RNGTT: variants seen among roughly 807,000 people sequenced by gnomAD.
RNGTT encodes mRNA-capping enzyme.
A neutral mutation model predicts 79.3 loss-of-function variants in RNGTT; 33 were observed. That is an observed-to-expected ratio of 0.42 (90% CI 0.32 to 0.56). The LOEUF (loss-of-function observed/expected upper bound fraction) is 0.56, where lower values mean the gene tolerates loss of function less well. RNGTT is among the 20% of genes least tolerant of loss of function. RNGTT has a pLI of 0.17. For missense variants in RNGTT, 497 were observed against 739.1 expected (o/e 0.67, Z 3.80); for synonymous variants, 222 against 235.9 (o/e 0.94, Z 0.54).
intron 13 of RNGTT, among the ~76,000 whole-genome samples, chr6:88,698,991 T>G (rs976115725): frequency 6.6e-6 from 1 of 152,182 alleles, no homozygotes; most frequent in Non-Finnish European, 1.5e-5. Context: ...ATGATGAGTA[T>G]AAACAATTAC....
chr6:88,816,583 T>C (rs773918467), intron 11 of RNGTT, among the ~76,000 whole-genome samples: 2 of 152,114 alleles, frequency 1.3e-5, no homozygotes, highest in African/African-American at 2.4e-5. Context: ...CTAAGCAAAG[T>C]ATATTTTAGG....
At chr6:88,803,261 T>C (rs1028456599) in intron 11 of RNGTT, among the ~76,000 whole-genome samples, 1 of 152,064 alleles carries the variant, frequency 6.6e-6, no homozygotes, top group Non-Finnish European at 1.5e-5. Context: ...GGGTAGTCTT[T>C]AATGAGTTTC....
chr6:88,907,633 A>C (rs1439190417), intron 4 of RNGTT, among the ~76,000 whole-genome samples: 1 of 152,184 alleles, frequency 6.6e-6, no homozygotes, highest in Non-Finnish European at 1.5e-5. Context: ...GAAAATAGTA[A>C]TTAAAACATG....
intron 11 of RNGTT, among the ~76,000 whole-genome samples, chr6:88,809,012 TA>T: frequency 6.6e-6 from 1 of 150,376 alleles, no homozygotes; most frequent in Non-Finnish European, 1.5e-5. Flanking sequence ...ACTTTGTACA[TA>T]AAGAGTCCGT....
Position 88,929,692 on chromosome 6 carries a change from C to A in RNGTT, c.175-425G>T, listed in dbSNP as rs1041244049. On this transcript the variant is annotated intron_variant, in intron 2 of 15. Coordinates refer to ENST00000369485, the MANE Select transcript of RNGTT (RefSeq NM_003800.5). ...AAGCTCTCGGCACAAATCACCCACC[C>A]CAGCCTTCCAAGCAGCCACCACCAA... is the stretch of plus-strand genomic sequence containing the variant. Among the ~76,000 whole-genome samples the A allele has an allele frequency of 2.0e-5, 3 of 151,954 alleles. No individual in the cohort carries two copies. In the East Asian group the frequency reaches 5.8e-4, roughly 29 times the overall value.
At chr6:88,830,831 A>C (rs561095423) in intron 11 of RNGTT, among the ~76,000 whole-genome samples, 1 of 152,336 alleles carries the variant, frequency 6.6e-6, no homozygotes, top group African/African-American at 2.4e-5. Flanking sequence ...TAAACTAGAA[A>C]ATCTAGAAGA....
chr6:88,789,418 G>GCTGA (rs1779332621), intron 12 of RNGTT, among the ~76,000 whole-genome samples: 1 of 152,168 alleles, frequency 6.6e-6, no homozygotes, highest in East Asian at 1.9e-4. Flanking sequence ...AAATTAGCTG[G>GCTGA]GCATGGTGGG....
rs533868254 is a variant in RNGTT, at chr6:88,899,631, T to C, written c.684+5084A>G. 5.3e-5 allele frequency among the ~76,000 whole-genome samples: 8 copies of C among 151,980 alleles called. No homozygotes were observed. The East Asian group carries it at 1.4e-3, about 26-fold the overall frequency. On this transcript the variant is annotated intron_variant, in intron 6 of 15. Transcript: ENST00000369485. ...AAAAAAGCTGGACAATGTTAAAGAA[T>C]TCATTTGAAGACCTCAGAGAATTAG...
intron 11 of RNGTT, among the ~76,000 whole-genome samples, chr6:88,809,984 G>A (rs1337606172): frequency 1.3e-5 from 2 of 152,086 alleles, no homozygotes; most frequent in African/African-American, 4.8e-5. Context: ...AGAGGTTGCA[G>A]CTGCAATGAG....
chr6:88,866,511 T>G lies in RNGTT; in HGVS notation c.897-12747A>C, dbSNP rs546234091. Among the ~76,000 whole-genome samples the G allele has an allele frequency of 3.3e-5, 5 of 152,234 alleles. 1 individual carries two copies. The South Asian group carries it at 1.0e-3, about 32-fold the overall frequency. On this transcript the variant is annotated intron_variant, in intron 8 of 15. Transcript: ENST00000369485. Reference sequence around the variant, plus strand: ...TTAACAGTCACTTTAAATAAAAACATGATTTACCCTACCATAGCAAGAAGC... The same window carrying G: ...TTAACAGTCACTTTAAATAAAAACAGGATTTACCCTACCATAGCAAGAAGC...
intron 1 of RNGTT, among the ~76,000 whole-genome samples, chr6:88,946,484 T>C (rs1386274709): frequency 1.3e-5 from 2 of 152,086 alleles, no homozygotes; most frequent in African/African-American, 2.4e-5. Context: ...AAATGAAGAA[T>C]CATATGTCTC....
chr6:88,865,483 G>GA (rs1390563871), intron 8 of RNGTT, among the ~76,000 whole-genome samples: 1 of 152,044 alleles, frequency 6.6e-6, no homozygotes, highest in Non-Finnish European at 1.5e-5. Context: ...ATAGAGAAAT[G>GA]AATCACAGGT....
chr6:88,865,351 TAAAAC>T (rs918373883), intron 8 of RNGTT, among the ~76,000 whole-genome samples: 4 of 151,966 alleles, frequency 2.6e-5, no homozygotes, highest in Non-Finnish European at 5.9e-5. Flanking sequence ...GGGTTAATGA[TAAAAC>T]AAAACCCTGA....
intron 6 of RNGTT, among the ~76,000 whole-genome samples, chr6:88,899,322 G>A (rs1286965402): frequency 6.6e-6 from 1 of 151,682 alleles, no homozygotes; most frequent in Non-Finnish European, 1.5e-5. Flanking sequence ...AAGTGCAGGT[G>A]AATGCAGTGA....
intron 1 of RNGTT, among the ~76,000 whole-genome samples, chr6:88,953,872 T>C (rs1785338818): frequency 6.6e-6 from 1 of 152,180 alleles, no homozygotes; most frequent in South Asian, 2.1e-4. Flanking sequence ...TCAGCAAAAC[T>C]AGGCTTCATA....
At chr6:88,681,096 A>G (rs1305551489) in intron 13 of RNGTT, among the ~76,000 whole-genome samples, 1 of 152,218 alleles carries the variant, frequency 6.6e-6, no homozygotes, top group African/African-American at 2.4e-5. Flanking sequence ...TTTATTTCCT[A>G]TATAACAAAT....
At chr6:88,648,541 T>A (rs1773668216) in intron 14 of RNGTT, among the ~76,000 whole-genome samples, 1 of 152,104 alleles carries the variant, frequency 6.6e-6, no homozygotes, top group East Asian at 1.9e-4. Context: ...ATTATCTCCC[T>A]ATACAAACCT....
intron 13 of RNGTT, among the ~76,000 whole-genome samples, chr6:88,755,262 C>T (rs1022171637): frequency 2.0e-5 from 3 of 151,828 alleles, no homozygotes; most frequent in African/African-American, 7.3e-5. Flanking sequence ...TGAATGTGAA[C>T]AAGAAAGAGA....
chr6:88,789,203 T>A (rs1210409629), intron 12 of RNGTT, among the ~76,000 whole-genome samples: 5 of 152,334 alleles, frequency 3.3e-5, no homozygotes, highest in African/African-American at 1.2e-4. Flanking sequence ...GTGGATCACC[T>A]GAGGCCAGGA....
Sources: allele counts gnomAD v4.1 joint callset (sites outside exome capture counted in the v4.1 genomes callset), GRCh38; gene constraint gnomAD v4.1.1; transcripts MANE v1.5; gene names NCBI Gene and HGNC (gene_info 2026-07-23, HGNC 2026-07-21).